Variants in SLC41A3 observed in about 807,000 individuals in gnomAD.
The protein encoded by SLC41A3 is solute carrier family 41 member 3.
A neutral mutation model predicts 45.4 loss-of-function variants in SLC41A3; 44 were observed. That is an observed-to-expected ratio of 0.97 (90% confidence interval 0.76 to 1.25). The LOEUF is 1.25. Among genes scored for constraint, SLC41A3 ranks in the 50% most tolerant of loss-of-function variants. The pLI is 0.00. For missense variants in SLC41A3, 550 were observed against 600.6 expected (o/e 0.92, Z 0.88); for synonymous variants, 256 against 252.4 (o/e 1.01, Z -0.13).
Position 126,006,782 on chromosome 3 carries a change from G to A in SLC41A3, c.*234C>T. On this transcript the variant is annotated 3_prime_UTR_variant, in exon 11 of 11. Coordinates refer to ENST00000360370, the MANE Select transcript of SLC41A3 (RefSeq NM_017836.4). ...ACACTTGCACGCTCATTAAGCATGTGCACACATCATATTCACACACTCAAG... is the reference window on the plus strand; with the variant it reads ...ACACTTGCACGCTCATTAAGCATGTACACACATCATATTCACACACTCAAG... The A allele has an allele frequency of 6.9e-7, 1 of 1,443,172 alleles. No homozygotes were observed. Among genetic ancestry groups the A allele is most frequent in the Non-Finnish European group, 9.1e-7 (1 of 1,104,778 alleles). 89.4% of individuals were successfully genotyped at this position (1,443,172 alleles called of 1,614,324 possible).
At chr3:126,045,110 C>A (rs1942877816) in intron 3 of SLC41A3, among the ~76,000 whole-genome samples, 2 of 151,338 alleles carry the variant, frequency 1.3e-5, no homozygotes, top group African/African-American at 4.9e-5. Context: ...TACAACACAT[C>A]ATAATTTATA....
At chr3:126,031,036 A>G (rs1941760171) in intron 4 of SLC41A3, among the ~76,000 whole-genome samples, 3 of 152,250 alleles carry the variant, frequency 2.0e-5, no homozygotes, top group South Asian at 4.1e-4. Flanking sequence ...TTTTTATTCA[A>G]TAAGTCGTTA....
chr3:126,056,673 C>G (rs1399711548), intron 2 of SLC41A3: 2 of 1,456,908 alleles, frequency 1.4e-6, no homozygotes, highest in Non-Finnish European at 1.8e-6. Flanking sequence ...AGAAGCTTCC[C>G]AGTCACCAGG....
At chr3:126,033,001 C>T (rs971009138) in intron 4 of SLC41A3, among the ~76,000 whole-genome samples, 8 of 152,242 alleles carry the variant, frequency 5.3e-5, no homozygotes, top group Admixed American at 3.3e-4. Flanking sequence ...CCTTGGGCCT[C>T]CTAACTTAGT....
At chr3:126,062,158 T>C (rs906697205) in intron 2 of SLC41A3, among the ~76,000 whole-genome samples, 2 of 152,218 alleles carry the variant, frequency 1.3e-5, no homozygotes, top group African/African-American at 4.8e-5. Flanking sequence ...CCAATATGGC[T>C]CATTCCTAAA....
chr3:126,010,197 G>C (rs1939557101), intron 9 of SLC41A3, among the ~76,000 whole-genome samples: 3 of 152,242 alleles, frequency 2.0e-5, no homozygotes, highest in Admixed American at 1.3e-4. Flanking sequence ...CCATAGGCTA[G>C]GCGCTGTGGC....
At chr3:126,085,892 A>G (rs1945376155), upstream of SLC41A3, among the ~76,000 whole-genome samples, 1 of 152,160 alleles carries the variant, frequency 6.6e-6, no homozygotes, top group African/African-American at 2.4e-5. Context: ...TTAATTTTAA[A>G]AATGGCTTGT....
chr3:126,008,757 A>G lies in SLC41A3; in HGVS notation c.1229T>C (p.Leu410Pro). Residue 410 changes from leucine to proline, a missense_variant, in exon 10 of 11, where the codon CTC becomes CCC. Physicochemically the swap from Leu to Pro is moderately conservative, Grantham distance 98 (BLOSUM62 -3). Coordinates refer to ENST00000360370, the MANE Select transcript of SLC41A3 (RefSeq NM_017836.4). ...SVINSQTFVV[L>P]YLLAGLIQVT... ...CTGGATCAGGCCTGCCAGCAGGTAG[A>G]GCACCACAAAGGTCTGGCTGTTTAT... 6.2e-7 allele frequency: 1 copy of G among 1,614,064 alleles called. No homozygotes were observed. Among genetic ancestry groups the G allele is most frequent in the Non-Finnish European group, 8.5e-7 (1 of 1,179,938 alleles).
chr3:126,028,822 A>C (rs779776236), intron 4 of SLC41A3, among the ~76,000 whole-genome samples: 1 of 152,218 alleles, frequency 6.6e-6, no homozygotes, highest in African/African-American at 2.4e-5. Flanking sequence ...CCTTGCACCA[A>C]TGTGCCCTAG....
chr3:126,020,733 C>T (rs531062428), intron 6 of SLC41A3, among the ~76,000 whole-genome samples: 2 of 152,282 alleles, frequency 1.3e-5, no homozygotes, highest in Non-Finnish European at 2.9e-5. Context: ...ATAATCTCTT[C>T]TCTCTGAAGC....
At chr3:126,075,476 T>C (rs1194541574) in intron 1 of SLC41A3, among the ~76,000 whole-genome samples, 1 of 148,210 alleles carries the variant, frequency 6.7e-6, no homozygotes, top group Non-Finnish European at 1.5e-5. Context: ...CTCCCTTCCT[T>C]CTTTCTTTCT....
Position 126,016,793 on chromosome 3 carries a change from TG to T in SLC41A3, c.827del (p.Pro276HisfsTer4). The T allele has an allele frequency of 6.2e-7, 1 of 1,612,700 alleles. No individual in the cohort carries two copies. The highest frequency in any genetic ancestry group is 8.5e-7 in the Non-Finnish European group (1 of 1,179,594). On this transcript the variant is annotated frameshift_variant, in exon 7 of 11. Coordinates refer to ENST00000360370, the MANE Select transcript of SLC41A3 (RefSeq NM_017836.4). LOFTEE classifies it high-confidence loss of function. ...PVWVLIAKQS[P>X]PIVKILKFGW... is the part of the protein sequence containing the mutation. ...CAAACTTCAGGATCTTCACGATGGGTGGGCTCTGCTTGGCAATGAGGACCCA... is the reference window on the plus strand; with the variant it reads ...CAAACTTCAGGATCTTCACGATGGGTGGCTCTGCTTGGCAATGAGGACCCA...
At chr3:126,090,699 C>T (rs903670172) in intron 1 of SLC41A3, among the ~76,000 whole-genome samples, 5 of 152,132 alleles carry the variant, frequency 3.3e-5, no homozygotes, top group Non-Finnish European at 5.9e-5. Context: ...ATGAGTCCCT[C>T]GTTTAGCATC....
intron 6 of SLC41A3, among the ~76,000 whole-genome samples, chr3:126,017,961 T>C (rs1940475960): frequency 6.6e-6 from 1 of 152,162 alleles, no homozygotes; most frequent in Admixed American, 6.5e-5. Context: ...AGCATCACCT[T>C]ATACGATGCT....
At chr3:126,035,934 T>G (rs190120400) in intron 3 of SLC41A3, among the ~76,000 whole-genome samples, 7 of 152,090 alleles carry the variant, frequency 4.6e-5, no homozygotes, top group African/African-American at 1.7e-4. Context: ...GCTGCAGGCA[T>G]GGGGCCAGTC....
In SLC41A3 at chr3:126,092,224, G is replaced by A. The variant is rs149894550; in HGVS notation, c.-79+9205C>T. 7.2e-3 allele frequency among the ~76,000 whole-genome samples: 1,103 copies of A among 152,218 alleles called. 9 individuals are homozygous for A. The highest frequency in any genetic ancestry group is 0.011 in the Non-Finnish European group (776 of 68,006). On this transcript the variant is annotated intron_variant, in intron 1 of 9. Coordinates refer to the SLC41A3 transcript ENST00000508835. Reference sequence around the variant, plus strand: ...CACACTGGAAGGTTGTGGGTTTACCGGAATGAGGGCAAGGAACACCTGGCC... The same window carrying A: ...CACACTGGAAGGTTGTGGGTTTACCAGAATGAGGGCAAGGAACACCTGGCC...
chr3:126,091,700 G>C (rs913133348), intron 1 of SLC41A3, among the ~76,000 whole-genome samples: 3 of 152,204 alleles, frequency 2.0e-5, no homozygotes, highest in African/African-American at 7.2e-5. Flanking sequence ...AAAAGACATG[G>C]AAAGGGAAGG....
chr3:126,024,951 T>C (rs929206145), intron 5 of SLC41A3: 2 of 152,158 alleles, frequency 1.3e-5, no homozygotes, highest in African/African-American at 4.8e-5. Context: ...TGAACACACA[T>C]TTGAGGTGAG....
At chr3:126,051,629 G>A (rs972735974) in intron 2 of SLC41A3, among the ~76,000 whole-genome samples, 20 of 152,164 alleles carry the variant, frequency 1.3e-4, no homozygotes, top group African/African-American at 4.6e-4. Context: ...CAGATGAAAG[G>A]GATTCATGCT....
Sources: gnomAD v4.1 joint callset for allele counts (sites outside exome capture counted in the v4.1 genomes callset) on GRCh38, gnomAD v4.1.1 for gene constraint, MANE v1.5 for transcripts, NCBI Gene and HGNC (gene_info 2026-07-23, HGNC 2026-07-21) for gene names.